The following SULT6B1 variants were observed in gnomAD, a reference collection of about 807,000 sequenced individuals.
SULT6B1 encodes sulfotransferase 6B1.
SULT6B1 carries 44 observed loss-of-function variants against 37.2 expected under a neutral mutation model. The observed-to-expected ratio is 1.18, with a 90% CI of 0.93 to 1.52. SULT6B1 has a LOEUF of 1.52. Ranked by LOEUF, SULT6B1 falls within the 40% of genes most tolerant of loss-of-function variation. The pLI is 0.00. For missense variants in SULT6B1, 450 were observed against 361.0 expected (o/e 1.25, Z -2.00); for synonymous variants, 140 against 126.0 (o/e 1.11, Z -0.74).
rs1676362509 is a variant in SULT6B1 at position 37,174,104 on chromosome 2, C to G, written c.624+1028G>C. Among the ~76,000 whole-genome samples the G allele has an allele frequency of 2.6e-5, 4 of 152,190 alleles. 1 individual carries two copies. Among genetic ancestry groups the G allele is most frequent in the Admixed American group, 2.6e-4 (4 of 15,264 alleles). On this transcript the variant is annotated intron_variant, in intron 5 of 6. Transcript: ENST00000535679. Reference sequence around the variant, plus strand: ...CACCAGGACTATCCCAGCTTTTGCTCCAGTTGATTCCCTCTGCCAGAAATG... The same window carrying G: ...CACCAGGACTATCCCAGCTTTTGCTGCAGTTGATTCCCTCTGCCAGAAATG...
chr2:37,188,831 G>C (rs1286359010), upstream of SULT6B1, among the ~76,000 whole-genome samples: 1 of 152,162 alleles, frequency 6.6e-6, no homozygotes, highest in African/African-American at 2.4e-5. Context: ...TGCAAAACAG[G>C]CTGAGGATCA....
intron 1 of SULT6B1, among the ~76,000 whole-genome samples, chr2:37,193,892 C>T (rs934517997): frequency 3.3e-5 from 5 of 152,194 alleles, no homozygotes; most frequent in African/African-American, 9.7e-5. Flanking sequence ...ACCAGGAAGG[C>T]ACTGTCGCTA....
chr2:37,193,902 A>G (rs537320659), intron 1 of SULT6B1, among the ~76,000 whole-genome samples: 14 of 152,336 alleles, frequency 9.2e-5, no homozygotes, highest in African/African-American at 2.9e-4. Flanking sequence ...CACTGTCGCT[A>G]AAGGACCCTT....
At chr2:37,172,132 C>G (rs1214281682) in intron 5 of SULT6B1, among the ~76,000 whole-genome samples, 2 of 152,026 alleles carry the variant, frequency 1.3e-5, no homozygotes, top group Non-Finnish European at 2.9e-5. Flanking sequence ...CTCACTGCAG[C>G]CTGGACTTCC....
chr2:37,177,799 A>C (rs1676463662), intron 4 of SULT6B1, among the ~76,000 whole-genome samples: 1 of 152,248 alleles, frequency 6.6e-6, no homozygotes, highest in African/African-American at 2.4e-5. Flanking sequence ...CATTGTGTAT[A>C]CGGTGAAACA....
intron 4 of SULT6B1, among the ~76,000 whole-genome samples, chr2:37,178,039 A>G (rs1394132788): frequency 6.6e-6 from 1 of 152,000 alleles, no homozygotes; most frequent in Non-Finnish European, 1.5e-5. Context: ...AAGCAATGGC[A>G]AGTGATTTAA....
rs1676513807 is a variant in SULT6B1, at chr2:37,179,872, A to G, written c.403-288T>C. On this transcript the variant is annotated intron_variant, in intron 3 of 6. Transcript: ENST00000535679. ...TAAAAAGGAAAAAAAGACCAAGCTC[A>G]CTAGGATAATCACAAGAGTATGACC... Among the ~76,000 whole-genome samples, 3 of 152,240 alleles carry G rather than the reference A, an allele frequency of 2.0e-5. No homozygotes were observed. In the South Asian group the frequency reaches 6.2e-4, roughly 32 times the overall value.
At chr2:37,192,796 C>T (rs924872113), upstream of SULT6B1, among the ~76,000 whole-genome samples, 2 of 152,134 alleles carry the variant, frequency 1.3e-5, no homozygotes, top group African/African-American at 2.4e-5. Flanking sequence ...GACACTAATG[C>T]CTGTAATTAT....
intron 4 of SULT6B1, among the ~76,000 whole-genome samples, chr2:37,179,076 A>G (rs1676491969): frequency 6.6e-6 from 1 of 152,134 alleles, no homozygotes; most frequent in African/African-American, 2.4e-5. Flanking sequence ...TTCCTGCTTC[A>G]GCTTCCCGAG....
rs193157942 is a variant in SULT6B1 at position 37,195,748 on chromosome 2, C to G, written c.-22+768G>C. 6.6e-3 allele frequency among the ~76,000 whole-genome samples: 1,004 copies of G among 152,292 alleles called. 7 individuals carry two copies. Among genetic ancestry groups the G allele is most frequent in the African/African-American group, 0.023 (953 of 41,546 alleles). The stretch of plus-strand genomic sequence containing the variant: ...CTTCTCTGTTTCCATGTCCCCTTCG[C>G]GCTTTCTCAAGTGTTACTTTGCAAA... On this transcript the variant is annotated intron_variant, in intron 1 of 7. Coordinates refer to the SULT6B1 transcript ENST00000407963.
chr2:37,182,084 C>T (rs1239084270), intron 3 of SULT6B1, among the ~76,000 whole-genome samples: 2 of 152,090 alleles, frequency 1.3e-5, no homozygotes, highest in Non-Finnish European at 2.9e-5. Context: ...TCATTCTAAA[C>T]CTCCACTTCC....
intron 2 of SULT6B1, among the ~76,000 whole-genome samples, chr2:37,186,632 C>T (rs949310518): frequency 2.0e-5 from 3 of 152,036 alleles, no homozygotes; most frequent in African/African-American, 7.2e-5. Context: ...TGGCTCATGC[C>T]CATAATCTCA....
upstream of SULT6B1, among the ~76,000 whole-genome samples, chr2:37,193,043 G>C (rs547201084): frequency 6.6e-6 from 1 of 152,282 alleles, no homozygotes; most frequent in African/African-American, 2.4e-5. Context: ...TGAAGTCCTA[G>C]CTTCTTTCAG....
At chr2:37,175,259 G>T in intron 4 of SULT6B1, 33 bp from the exon 5 acceptor site, 1 of 1,257,890 alleles carries the variant, frequency 7.9e-7, no homozygotes, top group Non-Finnish European at 1.1e-6. Context: ...TTTAAGAAAT[G>T]TCAAATAACT....
At chr2:37,174,373 T>C (rs1476740460) in intron 5 of SULT6B1, among the ~76,000 whole-genome samples, 1 of 151,436 alleles carries the variant, frequency 6.6e-6, no homozygotes, top group East Asian at 1.9e-4. Flanking sequence ...TAGCTGGTAC[T>C]ACAGGTACAT....
chr2:37,183,481 C>T lies in SULT6B1; in HGVS notation c.346G>A (p.Ala116Thr). 6.2e-7 allele frequency: 1 copy of T among 1,614,030 alleles called. No individual in the cohort carries two copies. Among genetic ancestry groups the T allele is most frequent in the Non-Finnish European group, 8.5e-7 (1 of 1,179,970 alleles). ...MKGFPSPRIL[A>T]THLHYDKLPG... Reference sequence around the variant, plus strand: ...AATTTGTCATAGTGGAGGTGAGTTGCCAAAATCCTTGGTGATGGAAAGCCT... The same window carrying T: ...AATTTGTCATAGTGGAGGTGAGTTGTCAAAATCCTTGGTGATGGAAAGCCT... Residue 116 changes from alanine (A) to threonine (T), a missense_variant, in exon 3 of 7, where the codon GCA becomes ACA. Transcript: ENST00000535679.
chr2:37,176,946 A>G (rs917483765), intron 4 of SULT6B1, among the ~76,000 whole-genome samples: 2 of 152,124 alleles, frequency 1.3e-5, no homozygotes, highest in Non-Finnish European at 2.9e-5. Context: ...AAAGGTGATG[A>G]TTGGAAGGAT....
intron 1 of SULT6B1, among the ~76,000 whole-genome samples, chr2:37,194,192 G>C (rs769551571): frequency 2.0e-5 from 3 of 148,232 alleles, no homozygotes; most frequent in Admixed American, 1.3e-4. Context: ...TTTTTTTTTC[G>C]AGACAAAGCC....
chr2:37,175,314 A>G, intron 4 of SULT6B1, 88 bp from the exon 5 acceptor site: 1 of 628,242 alleles, frequency 1.6e-6, no homozygotes, highest in Non-Finnish European at 2.6e-6. Flanking sequence ...TATAAACTAT[A>G]CATATGTGTA....
Sources: gnomAD v4.1 joint callset for allele counts (sites outside exome capture counted in the v4.1 genomes callset) on GRCh38, gnomAD v4.1.1 for gene constraint, MANE v1.5 for transcripts, NCBI Gene and HGNC (gene_info 2026-07-23, HGNC 2026-07-21) for gene names.